Variants in ADAMTS7 observed in about 807,000 individuals in gnomAD.
ADAMTS7 encodes ADAM metallopeptidase with thrombospondin type 1 motif 7, also known as A disintegrin and metalloproteinase with thrombospondin motifs 7.
A neutral mutation model predicts 172.6 loss-of-function variants in ADAMTS7; 89 were observed. The ratio of observed to expected loss-of-function variants is 0.52; its 90% confidence interval spans 0.43 to 0.61. The LOEUF is 0.61. Among genes scored for constraint, ADAMTS7 ranks in the 20% least tolerant of loss-of-function variants. The pLI, the probability that ADAMTS7 is intolerant of heterozygous loss-of-function variation, is 0.00. For missense variants in ADAMTS7, 1,973 were observed against 2,355.6 expected, an observed-to-expected ratio of 0.84 and a Z score of 3.36; for synonymous variants, 885 against 978.4, an observed-to-expected ratio of 0.90 and a Z score of 1.78.
At chr15:78,807,309 G>A (rs2055810418) in intron 1 of ADAMTS7, among the ~76,000 whole-genome samples, 3 of 152,118 alleles carry the variant, frequency 2.0e-5, no homozygotes. Flanking sequence ...GGCCCCAAAA[G>A]CTTAAAAAAA....
intron 18 of ADAMTS7, 58 bp downstream of exon 18, chr15:78,767,321 C>T: frequency 6.3e-7 from 1 of 1,589,430 alleles, no homozygotes; most frequent in Non-Finnish European, 8.6e-7. Flanking sequence ...GTCTGCCTCC[C>T]TGTAGCTGAA....
intron 7 of ADAMTS7, 132 bp downstream of exon 7, chr15:78,789,556 GC>G: frequency 7.9e-7 from 1 of 1,261,792 alleles, no homozygotes; most frequent in Non-Finnish European, 1.1e-6. Context: ...GCAGCACATG[GC>G]CAGTCAGGGC....
At position 78,767,510 on chromosome 15, in the gene ADAMTS7, T is replaced by G; in HGVS notation, c.2728A>C (p.Ser910Arg). 2 of 1,608,284 alleles carry G rather than the reference T, an allele frequency of 1.2e-6. No individual in the cohort carries two copies. The highest frequency in any genetic ancestry group is 1.7e-6 in the Non-Finnish European group (2 of 1,178,552). The change falls in exon 18 of 24, where the codon AGC becomes CGC. Residue 910 changes from serine to arginine, a missense_variant. Coordinates refer to ENST00000388820, the MANE Select transcript of ADAMTS7 (RefSeq NM_014272.5). ...LSRRAVLCIR[S>R]VGLDEQSALE... ...GCGCTCTGCTCATCCAGCCCCACGC[T>G]GCGGATGCAGAGCACGGCCCGGCGG...
At chr15:78,777,136 G>A (rs922750714) in intron 9 of ADAMTS7, 23 of 562,978 alleles carry the variant, frequency 4.1e-5, no homozygotes, top group South Asian at 9.2e-5. Context: ...GGCGATCTTC[G>A]CCAGGATAAA....
In ADAMTS7 at chr15:78,803,924, A is replaced by C. The variant is rs1482918583; in HGVS notation, c.101-3377T>G. The stretch of plus-strand genomic sequence containing the variant: ...GAGGGAAATGCTAAATTTCGTTGAG[A>C]GATTACAAAAAGTAAATATGTAATA... On this transcript the variant is annotated intron_variant, in intron 1 of 23. Transcript: ENST00000388820. Among the ~76,000 whole-genome samples the C allele has an allele frequency of 2.0e-5, 3 of 152,360 alleles. 1 individual carries two copies. In the South Asian group the frequency reaches 6.2e-4, roughly 32 times the overall value.
chr15:78,762,534 C>T lies in ADAMTS7; in HGVS notation c.4772G>A (p.Arg1591Gln), dbSNP rs1035181726. The T allele has an allele frequency of 2.6e-6, 4 of 1,564,414 alleles. No homozygotes were observed. Among genetic ancestry groups the T allele is most frequent in the Admixed American group, 1.9e-5 (1 of 53,950 alleles). The change falls in exon 23 of 24, where the codon CGG (arginine) becomes CAG (glutamine). Residue 1591 changes from arginine (R) to glutamine (Q), a missense_variant. Arg to Gln is a conservative substitution (Grantham distance 43, BLOSUM62 1). Coordinates refer to ENST00000388820, the MANE Select transcript of ADAMTS7 (RefSeq NM_014272.5). ...GGTGTTGACACACTTGACCAGGCGC[C>T]GCTGGACACCACCACCACAGGGGCC... ...CSGPCGGGVQ[R>Q]RLVKCVNTQT...
At chr15:78,801,145 T>G (rs2055719761) in intron 1 of ADAMTS7, among the ~76,000 whole-genome samples, 1 of 152,126 alleles carries the variant, frequency 6.6e-6, no homozygotes, top group African/African-American at 2.4e-5. Context: ...GCCAGAAAGA[T>G]TCATTCAAAA....
At position 78,791,137 on chromosome 15, in the gene ADAMTS7, C is replaced by T. The variant is rs2055575187; in HGVS notation, c.903+3G>A. 1 of 1,612,340 alleles carries T rather than the reference C, an allele frequency of 6.2e-7. No individual in the cohort carries two copies. Among genetic ancestry groups the T allele is most frequent in the African/African-American group, 1.3e-5 (1 of 74,902 alleles). On this transcript the variant is annotated splice_donor_region_variant and intron_variant, in intron 5 of 23. Transcript: ENST00000388820. ...GGCAGCGTGGGACCACATGACCACT[C>T]ACCTCCTCATCTTCCAGCAGGACCA...
intron 8 of ADAMTS7, among the ~76,000 whole-genome samples, chr15:78,787,311 A>G (rs1567228870): frequency 6.6e-6 from 1 of 151,472 alleles, no homozygotes; most frequent in Non-Finnish European, 1.5e-5. Flanking sequence ...TTAAATTTAA[A>G]ACTTTTTCTT....
In ADAMTS7 at chr15:78,759,503, A is replaced by T; in HGVS notation, c.4979T>A (p.Ile1660Asn). ...RLLGRCQLPT[I>N]RTQCCRSCSP... ...GCACGAGCGGCAGCACTGGGTGCGG[A>T]TGGTGGGCAGCTGGCAGCGGCCCAG... The change falls in exon 24 of 24, where the codon ATC becomes AAC. Residue 1660 changes from isoleucine to asparagine, a missense_variant. Ile to Asn is a moderately radical substitution (Grantham distance 149). Coordinates refer to ENST00000388820, the MANE Select transcript of ADAMTS7 (RefSeq NM_014272.5). 6.3e-7 allele frequency: 1 copy of T among 1,597,818 alleles called. No individual in the cohort carries two copies. The highest frequency in any genetic ancestry group is 8.5e-7 in the Non-Finnish European group (1 of 1,177,522).
intron 8 of ADAMTS7, 123 bp downstream of exon 8, chr15:78,788,108 G>A: frequency 7.6e-7 from 1 of 1,321,376 alleles, no homozygotes. Flanking sequence ...TTGACCTCAT[G>A]TATCAAGATC....
rs750946501 is a variant in ADAMTS7 at position 78,791,236 on chromosome 15, TG to T, written c.820-14del. On this transcript the variant is annotated splice_polypyrimidine_tract_variant and intron_variant, in intron 4 of 23. Transcript: ENST00000388820. Reference sequence around the variant, plus strand: ...ACAGGCCAGCCACCTGCCCAAGAGATGGGGGGGTCAGGTTGTCACGAGGATG... The same window carrying T: ...ACAGGCCAGCCACCTGCCCAAGAGATGGGGGGTCAGGTTGTCACGAGGATG... The T allele has an allele frequency of 1.6e-5, 25 of 1,608,696 alleles. No individual in the cohort carries two copies. Among genetic ancestry groups the T allele is most frequent in the East Asian group, 1.1e-4 (5 of 44,840 alleles).
chr15:78,799,933 C>T (rs1227087917), intron 2 of ADAMTS7, among the ~76,000 whole-genome samples: 5 of 151,684 alleles, frequency 3.3e-5, no homozygotes, highest in Non-Finnish European at 7.4e-5. Context: ...CTCAAGTGAT[C>T]CTTTCGCCTC....
At chr15:78,787,158 C>T (rs76808090) in intron 8 of ADAMTS7, among the ~76,000 whole-genome samples, 2 of 151,932 alleles carry the variant, frequency 1.3e-5, no homozygotes, top group East Asian at 1.9e-4. Flanking sequence ...TTGGGCGAGT[C>T]GAAAGTTATA....
In ADAMTS7 at chr15:78,771,408, G is replaced by A. The variant is rs762466178; in HGVS notation, c.2377-105C>T. The stretch of plus-strand genomic sequence containing the variant: ...CTCTGTGAACTGCAGCTACAAGATT[G>A]GGCCATTTTAAAGATGGGGAAACTG... On this transcript the variant is annotated intron_variant, in intron 15 of 23. Coordinates refer to ENST00000388820, the MANE Select transcript of ADAMTS7 (RefSeq NM_014272.5). The surrounding 1 kb of genome is among the most constrained non-coding windows in gnomAD (Gnocchi z 4.9). 2.2e-5 allele frequency: 35 copies of A among 1,575,604 alleles called. No homozygotes were observed. The highest frequency in any genetic ancestry group is 2.8e-5 in the Non-Finnish European group (32 of 1,158,734).
intron 8 of ADAMTS7, among the ~76,000 whole-genome samples, chr15:78,781,224 C>G (rs888304854): frequency 6.6e-6 from 1 of 152,184 alleles, no homozygotes; most frequent in Non-Finnish European, 1.5e-5. Context: ...TTCTGTCCCC[C>G]AACCTGCTTG....
intron 10 of ADAMTS7, 182 bp from the exon 11 acceptor site, chr15:78,776,515 C>T (rs1311100195): frequency 3.8e-5 from 37 of 970,992 alleles, no homozygotes; most frequent in Non-Finnish European, 4.2e-5. Context: ...AGGAGCTGAG[C>T]GGGGAGTAAA....
At chr15:78,806,078 T>TC (rs138221023) in intron 1 of ADAMTS7, among the ~76,000 whole-genome samples, 5 of 89,458 alleles carry the variant, frequency 5.6e-5, no homozygotes, top group East Asian at 3.2e-4. Flanking sequence ...AGACTCTGAC[T>TC]CCCCCCCCCA....
intron 4 of ADAMTS7, among the ~76,000 whole-genome samples, chr15:78,795,159 A>G (rs1377543346): frequency 6.6e-6 from 1 of 152,218 alleles, no homozygotes; most frequent in African/African-American, 2.4e-5. Context: ...GAGAATGAGA[A>G]GGAGGGAACC....
Sources: allele counts gnomAD v4.1 joint callset (sites outside exome capture counted in the v4.1 genomes callset), GRCh38; gene constraint gnomAD v4.1.1; non-coding constraint Gnocchi (gnomAD v3.1); transcripts MANE v1.5; gene names NCBI Gene and HGNC (gene_info 2026-07-23, HGNC 2026-07-21).